Variants in ACKR3 observed in about 807,000 individuals in gnomAD.
The protein encoded by ACKR3 is atypical chemokine receptor 3.
A neutral mutation model predicts 22.4 loss-of-function variants in ACKR3; 6 were observed. The ratio of observed to expected loss-of-function variants is 0.27; its 90% CI spans 0.15 to 0.53. ACKR3 has a LOEUF of 0.53. Ranked by LOEUF, ACKR3 falls within the 20% of genes least tolerant of loss-of-function variation. ACKR3 has a pLI of 0.96. For synonymous variants in ACKR3, 209 were observed against 205.2 expected, an observed-to-expected ratio of 1.02 and a Z score of -0.16; for missense variants, 396 against 475.2, an observed-to-expected ratio of 0.83 and a Z score of 1.55.
At chr2:236,544,680 C>A in the ACKR3 span, among the ~76,000 whole-genome samples, 1 of 152,118 alleles carries the variant, frequency 6.6e-6, no homozygotes. This position sits in a 1 kb window ranked among gnomAD's most constrained non-coding sequence, Gnocchi z 5.0. Context: ...CTGGGCTGAG[C>A]CCCTGGATGG....
the ACKR3 span, among the ~76,000 whole-genome samples, chr2:236,537,897 A>G: frequency 1.3e-5 from 2 of 151,996 alleles, no homozygotes; most frequent in African/African-American, 2.4e-5. Context: ...TCAAGCAAGC[A>G]AGCAAATGTG....
the ACKR3 span, among the ~76,000 whole-genome samples, chr2:236,561,828 C>T: frequency 1.3e-5 from 2 of 152,162 alleles, no homozygotes; most frequent in Non-Finnish European, 2.9e-5. Context: ...TTGTATTGTT[C>T]GGATTTTCTA....
At chr2:236,575,478 G>A (rs1424469690) in intron 1 of ACKR3, among the ~76,000 whole-genome samples, 3 of 141,204 alleles carry the variant, frequency 2.1e-5, no homozygotes, top group African/African-American at 5.4e-5. Flanking sequence ...CTGTGTGTGC[G>A]TGTGTCTGGG....
At chr2:236,542,579 G>C in the ACKR3 span, among the ~76,000 whole-genome samples, 2 of 152,122 alleles carry the variant, frequency 1.3e-5, no homozygotes, top group African/African-American at 4.8e-5. Flanking sequence ...GTCTCCAGAG[G>C]TCCGTCCAGG....
the ACKR3 span, among the ~76,000 whole-genome samples, chr2:236,547,043 G>C: frequency 6.6e-6 from 1 of 152,198 alleles, no homozygotes; most frequent in Non-Finnish European, 1.5e-5. Context: ...CAGAGAGTTG[G>C]AGGTTGGTGG....
In ACKR3 at chr2:236,580,454, C is replaced by T. The variant is rs13402816; in HGVS notation, c.-12C>T. 1,266 of 1,594,784 alleles carry T rather than the reference C, an allele frequency of 7.9e-4. 11 individuals carry two copies. In the African/African-American group the frequency reaches 0.013, roughly 16 times the overall value. ...TTTTCTCATAGGTCATTTGATTGCC[C>T]GCCTCAGAACGATGGATCTGCATCT... On this transcript the variant is annotated 5_prime_UTR_variant, in exon 2 of 2. Transcript: ENST00000272928.
intron 1 of ACKR3, among the ~76,000 whole-genome samples, chr2:236,576,083 T>A (rs1210430192): frequency 6.6e-6 from 1 of 152,184 alleles, no homozygotes; most frequent in Non-Finnish European, 1.5e-5. Flanking sequence ...GCATGGGCAC[T>A]GAGGCCCTAG....
the ACKR3 span, among the ~76,000 whole-genome samples, chr2:236,562,247 A>G: frequency 6.6e-6 from 1 of 152,252 alleles, no homozygotes; most frequent in Non-Finnish European, 1.5e-5. Context: ...TTATTAATTT[A>G]GCAAGTTATA....
At chr2:236,562,781 T>C in the ACKR3 span, among the ~76,000 whole-genome samples, 1 of 152,134 alleles carries the variant, frequency 6.6e-6, no homozygotes, top group Non-Finnish European at 1.5e-5. Context: ...ATTGACCAGT[T>C]TGGATACTGT....
chr2:236,580,872 C>A lies in ACKR3; in HGVS notation c.407C>A (p.Thr136Lys). 6.2e-7 allele frequency: 1 copy of A among 1,614,224 alleles called. No individual in the cohort carries two copies. The highest frequency in any genetic ancestry group is 8.5e-7 in the Non-Finnish European group (1 of 1,180,042). Residue 136 changes from threonine (T) to lysine (K), a missense_variant, in exon 2 of 2, where the codon ACG becomes AAG. Coordinates refer to ENST00000272928, the MANE Select transcript of ACKR3 (RefSeq NM_020311.3). ...INLFGSIFFL[T>K]CMSVDRYLSI... Reference sequence around the variant, plus strand: ...CTCTTCGGCAGCATTTTCTTCCTCACGTGCATGAGCGTGGACCGCTACCTC... The same window carrying A: ...CTCTTCGGCAGCATTTTCTTCCTCAAGTGCATGAGCGTGGACCGCTACCTC...
At chr2:236,569,033 C>T (rs1038327073), upstream of ACKR3, among the ~76,000 whole-genome samples, 2 of 152,122 alleles carry the variant, frequency 1.3e-5, no homozygotes, top group Admixed American at 6.5e-5. Context: ...TGAATTCCTC[C>T]GTGGGGGGAA....
chr2:236,565,593 C>T (rs6730252), upstream of ACKR3, among the ~76,000 whole-genome samples: 8,648 of 152,262 alleles, frequency 0.057, 739 homozygotes, highest in African/African-American at 0.19. Context: ...CTGACTTTAG[C>T]TACTTCTTTG....
upstream of ACKR3, among the ~76,000 whole-genome samples, chr2:236,567,071 C>A (rs1187830453): frequency 6.6e-6 from 1 of 152,118 alleles, no homozygotes; most frequent in Non-Finnish European, 1.5e-5. Flanking sequence ...ATGGTGCAAT[C>A]CCGGCTCACT....
the ACKR3 span, among the ~76,000 whole-genome samples, chr2:236,539,306 C>CTTT: frequency 2.6e-3 from 318 of 120,696 alleles, no homozygotes; most frequent in African/African-American, 4.3e-3. Context: ...TTTTTCTTTT[C>CTTT]TTTTTTTTTT....
Position 236,577,962 on chromosome 2 carries a change from T to C in ACKR3, c.-26-2478T>C, listed in dbSNP as rs977664727. Among the ~76,000 whole-genome samples, 2 of 152,166 alleles carry C rather than the reference T, an allele frequency of 1.3e-5. No individual in the cohort carries two copies. The highest frequency in any genetic ancestry group is 4.8e-5 in the African/African-American group (2 of 41,438). On this transcript the variant is annotated intron_variant, in intron 1 of 1. Transcript: ENST00000272928. This position sits in a 1 kb window ranked among gnomAD's most constrained non-coding sequence, Gnocchi z 5.6. Reference sequence around the variant, plus strand: ...CAAGCTCCTCTGCTCCCCGGGACTCTGGGGTCAGATGAGATCATGGGGGAA... The same window carrying C: ...CAAGCTCCTCTGCTCCCCGGGACTCCGGGGTCAGATGAGATCATGGGGGAA...
At chr2:236,550,998 T>C in the ACKR3 span, among the ~76,000 whole-genome samples, 1 of 152,148 alleles carries the variant, frequency 6.6e-6, no homozygotes, top group Non-Finnish European at 1.5e-5. This position sits in a 1 kb window ranked among gnomAD's most constrained non-coding sequence, Gnocchi z 4.6. Context: ...TGTAAGTCCT[T>C]GTTATGGGGA....
At chr2:236,538,119 A>T in the ACKR3 span, among the ~76,000 whole-genome samples, 1,745 of 152,304 alleles carry the variant, frequency 0.011, 8 homozygotes, top group Non-Finnish European at 0.02. Context: ...AGCAATATAC[A>T]TAAGCCAGAT....
chr2:236,549,344 T>TC, the ACKR3 span, among the ~76,000 whole-genome samples: 1 of 152,140 alleles, frequency 6.6e-6, no homozygotes, highest in African/African-American at 2.4e-5. The surrounding 1 kb of genome is among the most constrained non-coding windows in gnomAD (Gnocchi z 5.3). Context: ...CTACATAGTC[T>TC]CCCCTGCTGA....
the ACKR3 span, among the ~76,000 whole-genome samples, chr2:236,562,039 C>T: frequency 5.4e-4 from 82 of 152,294 alleles, no homozygotes; most frequent in African/African-American, 1.9e-3. Flanking sequence ...AATATCCTTG[C>T]TTTGTTCTCC....
Sources: gnomAD v4.1 joint callset for allele counts (sites outside exome capture counted in the v4.1 genomes callset) on GRCh38, gnomAD v4.1.1 for gene constraint, Gnocchi (gnomAD v3.1) non-coding constraint, MANE v1.5 for transcripts, NCBI Gene and HGNC (gene_info 2026-07-23, HGNC 2026-07-21) for gene names.